The following DENND1B variants were observed in gnomAD, a reference collection of about 807,000 sequenced individuals.
DENND1B encodes DENN domain containing 1B.
In DENND1B, 59 loss-of-function variants were observed where a neutral mutation model predicts 90.1. That is an observed-to-expected ratio of 0.65 (90% CI 0.53 to 0.81). The LOEUF is 0.81. DENND1B is among the 40% of genes least tolerant of loss of function. The probability of loss-of-function intolerance (pLI) is 0.00; values close to 1 mark genes in which losing one functional copy is unlikely to be tolerated. For synonymous variants in DENND1B, 337 were observed against 324.6 expected (o/e 1.04, Z -0.41); for missense variants, 862 against 912.6 (o/e 0.94, Z 0.71).
chr1:197,718,509 G>A (rs1277440188), intron 2 of DENND1B, among the ~76,000 whole-genome samples: 1 of 151,858 alleles, frequency 6.6e-6, no homozygotes, highest in Non-Finnish European at 1.5e-5. Context: ...ACATAATGGT[G>A]AACTAAACAA....
chr1:197,674,243 G>T, intron 3 of DENND1B, 74 bp from the exon 4 acceptor site: 1 of 1,105,286 alleles, frequency 9.0e-7, no homozygotes, highest in East Asian at 2.6e-5. Context: ...ACTTCTTTGA[G>T]ACATTTTCTA....
intron 2 of DENND1B, among the ~76,000 whole-genome samples, chr1:197,733,303 T>C (rs900391245): frequency 6.6e-6 from 1 of 152,194 alleles, no homozygotes; most frequent in Non-Finnish European, 1.5e-5. Context: ...GCATGTATTA[T>C]TAGACCTCAA....
In DENND1B at chr1:197,505,140, A is replaced by C. The variant is rs1667671783; in HGVS notation, c.*5320T>G. ...ATGTTGTAGGACTCAGGCAGTTCAT[A>C]TTAGTTGCTGTTTTAGGCACTGCTG... On this transcript the variant is annotated 3_prime_UTR_variant, in exon 23 of 23. Coordinates refer to ENST00000620048, the MANE Select transcript of DENND1B (RefSeq NM_001195215.2). 6.6e-6 allele frequency: 1 copy of C among 151,788 alleles called. No homozygotes were observed. The highest frequency in any genetic ancestry group is 6.6e-5 in the Admixed American group (1 of 15,198). The allele number at this position is 151,788 out of a possible 1,614,324, so 9.4% of individuals were successfully genotyped here.
chr1:197,603,676 T>C (rs1255471416), intron 13 of DENND1B, among the ~76,000 whole-genome samples: 4 of 151,268 alleles, frequency 2.6e-5, no homozygotes, highest in Non-Finnish European at 5.9e-5. Flanking sequence ...ATTCTAATTA[T>C]TAGCTTAATT....
At chr1:197,758,337 C>T (rs898891383) in intron 2 of DENND1B, among the ~76,000 whole-genome samples, 6 of 152,172 alleles carry the variant, frequency 3.9e-5, no homozygotes, top group Non-Finnish European at 7.3e-5. Context: ...TTCCTGTCTT[C>T]CAGATTGATC....
intron 2 of DENND1B, among the ~76,000 whole-genome samples, chr1:197,721,897 A>C (rs544377906): frequency 1.3e-5 from 2 of 152,292 alleles, no homozygotes; most frequent in Non-Finnish European, 2.9e-5. Context: ...GTGACACTGG[A>C]ACCACATGAT....
intron 3 of DENND1B, chr1:197,690,087 T>C (rs918162916): frequency 1.1e-4 from 22 of 202,692 alleles, no homozygotes; most frequent in Admixed American, 5.9e-4. Context: ...ACCCAGCATG[T>C]GGTCTACTTT....
rs78509446 is a variant in DENND1B at position 197,548,798 on chromosome 1, A to C, written c.1241-2025T>G. Among the ~76,000 whole-genome samples, 868 of 152,274 alleles carry C rather than the reference A, an allele frequency of 5.7e-3. 49 individuals are homozygous for C. In the East Asian group the frequency reaches 0.12, roughly 21 times the overall value. Reference sequence around the variant, plus strand: ...GGGCTGCTCAAGGCTAATACCCTGAAAAAGAAGGTTAATAGAGAGAATTAC... The same window carrying C: ...GGGCTGCTCAAGGCTAATACCCTGACAAAGAAGGTTAATAGAGAGAATTAC... On this transcript the variant is annotated intron_variant, in intron 16 of 22. Coordinates refer to ENST00000620048, the MANE Select transcript of DENND1B (RefSeq NM_001195215.2).
At chr1:197,689,616 C>A in intron 3 of DENND1B, 1 of 176,068 alleles carries the variant, frequency 5.7e-6, no homozygotes, top group Admixed American at 5.2e-5. Context: ...CAGATTCCAC[C>A]GAGTCACCCT....
intron 10 of DENND1B, among the ~76,000 whole-genome samples, chr1:197,641,541 A>T (rs965749023): frequency 3.3e-5 from 5 of 152,148 alleles, no homozygotes; most frequent in African/African-American, 1.2e-4. Flanking sequence ...TGCATTTTCA[A>T]CTTTTAGGAG....
intron 10 of DENND1B, among the ~76,000 whole-genome samples, chr1:197,622,410 T>C (rs1678256032): frequency 6.6e-6 from 1 of 151,406 alleles, no homozygotes; most frequent in African/African-American, 2.4e-5. Flanking sequence ...AGATCCAAAG[T>C]ATAGTAACCA....
intron 7 of DENND1B, among the ~76,000 whole-genome samples, chr1:197,651,654 T>A (rs1653197979): frequency 7.9e-6 from 1 of 126,132 alleles, no homozygotes. Context: ...TCTTTTTTTT[T>A]TTTTTTTTTT....
intron 2 of DENND1B, among the ~76,000 whole-genome samples, chr1:197,743,970 C>T (rs774557755): frequency 3.3e-5 from 5 of 152,178 alleles, no homozygotes; most frequent in South Asian, 4.1e-4. Flanking sequence ...TTTGCTCATC[C>T]GTAAGAAGCA....
intron 2 of DENND1B, among the ~76,000 whole-genome samples, chr1:197,767,909 T>C (rs574987120): frequency 1.3e-5 from 2 of 152,216 alleles, no homozygotes; most frequent in Non-Finnish European, 2.9e-5. Flanking sequence ...GAAGTCACTA[T>C]GCAATGGGAG....
chr1:197,745,115 C>A (rs1191038586), intron 2 of DENND1B, among the ~76,000 whole-genome samples: 1 of 152,170 alleles, frequency 6.6e-6, no homozygotes, highest in Non-Finnish European at 1.5e-5. Context: ...TCCATCCAGA[C>A]CACTAAAACT....
intron 20 of DENND1B, among the ~76,000 whole-genome samples, chr1:197,524,895 T>A (rs1289360487): frequency 6.6e-6 from 1 of 152,174 alleles, no homozygotes; most frequent in Admixed American, 6.5e-5. Flanking sequence ...ATATGAGAAA[T>A]CAGAACTGAC....
At chr1:197,759,119 C>T (rs1654684285) in intron 2 of DENND1B, among the ~76,000 whole-genome samples, 1 of 151,268 alleles carries the variant, frequency 6.6e-6, no homozygotes, top group South Asian at 2.1e-4. Flanking sequence ...TACAGGTGCA[C>T]ACCACTACAC....
intron 13 of DENND1B, among the ~76,000 whole-genome samples, chr1:197,604,436 G>A (rs1292678158): frequency 6.6e-6 from 1 of 151,172 alleles, no homozygotes; most frequent in Non-Finnish European, 1.5e-5. Context: ...ATATTGGAAT[G>A]AAGCCATTAA....
intron 15 of DENND1B, among the ~76,000 whole-genome samples, chr1:197,558,341 G>T (rs1051150030): frequency 5.9e-5 from 9 of 151,352 alleles, no homozygotes; most frequent in Non-Finnish European, 1.0e-4. Flanking sequence ...AGATAAAATT[G>T]ATTTAAATAA....
Sources: gnomAD v4.1 joint callset for allele counts (sites outside exome capture counted in the v4.1 genomes callset) on GRCh38, gnomAD v4.1.1 for gene constraint, MANE v1.5 for transcripts, NCBI Gene and HGNC (gene_info 2026-07-23, HGNC 2026-07-21) for gene names.